Variants in IL5RA observed in about 807,000 individuals in gnomAD.
IL5RA encodes the protein interleukin-5 receptor subunit alpha.
A neutral mutation model predicts 50.0 loss-of-function variants in IL5RA; 49 were observed. The observed-to-expected ratio is 0.98, with a 90% CI of 0.78 to 1.24. The LOEUF (loss-of-function observed/expected upper bound fraction) is 1.24. Ranked by LOEUF, IL5RA falls within the 50% of genes most tolerant of loss-of-function variation. The pLI, the probability that IL5RA is intolerant of heterozygous loss-of-function variation, is 0.00. For synonymous variants in IL5RA, 202 were observed against 174.0 expected, an observed-to-expected ratio of 1.16 and a Z score of -1.26; for missense variants, 600 against 500.4, an observed-to-expected ratio of 1.20 and a Z score of -1.90.
rs966831016 is a variant in IL5RA, at chr3:3,070,059, A to G, written c.*166T>C. ...GTGAGGCGATTTGGATGAAGCATCC[A>G]TACTTTTAAGAGATACAAGACTGGT... On this transcript the variant is annotated 3_prime_UTR_variant, in exon 12 of 12. Coordinates refer to ENST00000446632, the MANE Select transcript of IL5RA (RefSeq NM_175726.4). The G allele has an allele frequency of 8.6e-6, 5 of 578,682 alleles. No individual in the cohort carries two copies. The highest frequency in any genetic ancestry group is 1.2e-5 in the Non-Finnish European group (4 of 320,370). The allele number at this position is 578,682 out of a possible 1,614,324, so 35.8% of individuals were successfully genotyped here. A position where few individuals can be genotyped will look rare whatever the true frequency, so the allele number is the denominator to read the frequency against.
chr3:3,101,883 G>T, intron 4 of IL5RA, 53 bp from the exon 5 acceptor site: 1 of 1,492,660 alleles, frequency 6.7e-7, no homozygotes, highest in Non-Finnish European at 9.2e-7. Flanking sequence ...AGACTTAAGA[G>T]AGCTATTTTA....
rs1703179761 is a variant in IL5RA, at chr3:3,092,656, G to A, written c.856-294C>T. Reference sequence around the variant, plus strand: ...GTTTCCAGACTGAAAGACTGGAGTGGCCTATGCTAGAATGCATTATTCCCT... The same window carrying A: ...GTTTCCAGACTGAAAGACTGGAGTGACCTATGCTAGAATGCATTATTCCCT... On this transcript the variant is annotated intron_variant, in intron 8 of 11. Coordinates refer to ENST00000446632, the MANE Select transcript of IL5RA (RefSeq NM_175726.4). The surrounding 1 kb of genome is among the most constrained non-coding windows in gnomAD (Gnocchi z 4.2). 6.6e-6 allele frequency among the ~76,000 whole-genome samples: 1 copy of A among 152,130 alleles called. No individual in the cohort carries two copies. Among genetic ancestry groups the A allele is most frequent in the Non-Finnish European group, 1.5e-5 (1 of 68,022 alleles).
At chr3:3,103,807 A>G (rs1703773920) in intron 3 of IL5RA, among the ~76,000 whole-genome samples, 1 of 152,104 alleles carries the variant, frequency 6.6e-6, no homozygotes, top group Non-Finnish European at 1.5e-5. Flanking sequence ...TTCTGGGCGT[A>G]TATTTATGCA....
In IL5RA at chr3:3,092,022, T is replaced by C. The variant is rs866634126; in HGVS notation, c.994+202A>G. 2.3e-6 allele frequency: 3 copies of C among 1,294,956 alleles called. No homozygotes were observed. The Middle Eastern group carries it at 7.1e-4, about 306-fold the overall frequency. 80.2% of individuals were successfully genotyped at this position (1,294,956 alleles called of 1,614,324 possible). ...CCAGGTCTAGGAGAGTTGGCGCTAA[T>C]GAGAAGCCTAGACACTTAAAAACTT... is the stretch of plus-strand genomic sequence containing the variant. On this transcript the variant is annotated intron_variant, in intron 9 of 11. Transcript: ENST00000446632. This position sits in a 1 kb window ranked among gnomAD's most constrained non-coding sequence, Gnocchi z 4.2.
At chr3:3,099,916 C>T (rs6442776) in intron 5 of IL5RA, among the ~76,000 whole-genome samples, 50,365 of 151,968 alleles carry the variant, frequency 0.33, 8,638 homozygotes, top group Middle Eastern at 0.39. Flanking sequence ...GTGATCTACC[C>T]GCCTCGGCCT....
rs1478672617 is a variant in IL5RA, at chr3:3,070,120, G to A, written c.*105C>T. On this transcript the variant is annotated 3_prime_UTR_variant, in exon 12 of 12. Coordinates refer to ENST00000446632, the MANE Select transcript of IL5RA (RefSeq NM_175726.4). ...GTATTGCTTCGCAGGTAAATTGAGT[G>A]TTGCCTAAATTCTGAACACCTCTTA... The A allele has an allele frequency of 1.1e-5, 8 of 708,790 alleles. No individual in the cohort carries two copies. Among genetic ancestry groups the A allele is most frequent in the Non-Finnish European group, 2.0e-5 (8 of 403,384 alleles). The allele number at this position is 708,790 out of a possible 1,614,324, so 43.9% of individuals were successfully genotyped here. A position where few individuals can be genotyped will look rare whatever the true frequency, so the allele number is the denominator to read the frequency against.
intron 10 of IL5RA, among the ~76,000 whole-genome samples, chr3:3,075,203 C>CTTTTTTTTTTTT (rs10642608): frequency 5.3e-4 from 37 of 69,960 alleles, no homozygotes; most frequent in East Asian, 9.3e-4. Flanking sequence ...AGTTTACTTA[C>CTTTTTTTTTTTT]TTTTTTTTTT....
In IL5RA at chr3:3,090,110, G is replaced by A. The variant is rs533767432; in HGVS notation, c.994+2114C>T. The A allele has an allele frequency of 1.4e-3, 1,682 of 1,211,644 alleles. 3 individuals carry two copies. The highest frequency in any genetic ancestry group is 1.9e-3 in the Non-Finnish European group (1,634 of 856,628). 75.1% of individuals were successfully genotyped at this position (1,211,644 alleles called of 1,614,324 possible). A position where few individuals can be genotyped will look rare whatever the true frequency, so the allele number is the denominator to read the frequency against. ...AACTTTCCAAACAAGTTTTTTGATA[G>A]GACTAAGATTATGTATTTAGCATAG... On this transcript the variant is annotated intron_variant, in intron 9 of 11. Transcript: ENST00000446632.
chr3:3,090,704 C>A (rs1405271800), intron 9 of IL5RA, among the ~76,000 whole-genome samples: 1 of 151,492 alleles, frequency 6.6e-6, no homozygotes, highest in Non-Finnish European at 1.5e-5. Context: ...GTAGCTGGGA[C>A]TACAGGCGCC....
Position 3,067,250 on chromosome 3 carries a change from C to T in IL5RA, c.*2975G>A, listed in dbSNP as rs185037503. ...GCCCAGTTGTTAGGCACATGTGTCT[C>T]CTGGTTGCTTCTAACTAACCGCATT... On this transcript the variant is annotated 3_prime_UTR_variant, in exon 12 of 12. Transcript: ENST00000446632. 1 of 152,204 alleles carries T rather than the reference C, an allele frequency of 6.6e-6. No homozygotes were observed. Among genetic ancestry groups the T allele is most frequent in the East Asian group, 1.9e-4 (1 of 5,174 alleles). 9.4% of individuals were successfully genotyped at this position (152,204 alleles called of 1,614,324 possible).
Position 3,092,883 on chromosome 3 carries a change from G to T in IL5RA, c.856-521C>A, listed in dbSNP as rs368278620. 5.1e-4 allele frequency among the ~76,000 whole-genome samples: 77 copies of T among 152,186 alleles called. 1 individual carries two copies. The Middle Eastern group carries it at 0.014, about 27-fold the overall frequency. ...ACCTGTATCTTGAATACCCCCGGAG[G>T]TGTTTCTCCCTTTTTTACTCCAGCC... On this transcript the variant is annotated intron_variant, in intron 8 of 11. Coordinates refer to ENST00000446632, the MANE Select transcript of IL5RA (RefSeq NM_175726.4). This position sits in a 1 kb window ranked among gnomAD's most constrained non-coding sequence, Gnocchi z 4.2.
At chr3:3,097,096 A>G (rs1049959094) in intron 7 of IL5RA, among the ~76,000 whole-genome samples, 5 of 152,352 alleles carry the variant, frequency 3.3e-5, no homozygotes, top group South Asian at 2.1e-4. Context: ...AATCTCCATA[A>G]CTAAGAATGC....
chr3:3,103,780 A>G (rs910176161), intron 3 of IL5RA, among the ~76,000 whole-genome samples: 3 of 80,064 alleles, frequency 3.7e-5, no homozygotes, highest in Non-Finnish European at 7.3e-5. Context: ...AACATATGAT[A>G]TATTCGTTAT....
At chr3:3,103,424 A>G (rs938337400) in intron 3 of IL5RA, among the ~76,000 whole-genome samples, 3 of 152,242 alleles carry the variant, frequency 2.0e-5, no homozygotes, top group African/African-American at 7.2e-5. Flanking sequence ...AGAAAATATC[A>G]GTGTGCATCA....
intron 2 of IL5RA, chr3:3,105,633 C>T (rs112886289): frequency 1.4e-5 from 2 of 143,222 alleles, no homozygotes; most frequent in African/African-American, 2.6e-5. Flanking sequence ...TTCCCCCCCC[C>T]ACCCCGCAAA....
intron 5 of IL5RA, among the ~76,000 whole-genome samples, chr3:3,101,413 G>T (rs1028183332): frequency 1.9e-4 from 29 of 152,156 alleles, no homozygotes; most frequent in African/African-American, 6.3e-4. Context: ...TTAAGTGTTT[G>T]ATCAGAAGTA....
At chr3:3,073,502 A>G (rs1329809025) in intron 11 of IL5RA, among the ~76,000 whole-genome samples, 1 of 152,242 alleles carries the variant, frequency 6.6e-6, no homozygotes, top group Non-Finnish European at 1.5e-5. Context: ...GAGGTGAGAC[A>G]GAAACCATTT....
intron 9 of IL5RA, among the ~76,000 whole-genome samples, chr3:3,079,988 C>T (rs3856843): frequency 0.25 from 38,686 of 151,846 alleles, 5,096 homozygotes; most frequent in Non-Finnish European, 0.28. Context: ...GAGCCCATCA[C>T]GCAACTGCAC....
chr3:3,101,873 A>G (rs2125983828), intron 4 of IL5RA, 43 bp from the exon 5 acceptor site: 1 of 1,532,578 alleles, frequency 6.5e-7, no homozygotes, highest in African/African-American at 1.4e-5. Context: ...AAAGAGAACT[A>G]GACTTAAGAG....
Sources: gnomAD v4.1 joint callset for allele counts (sites outside exome capture counted in the v4.1 genomes callset) on GRCh38, gnomAD v4.1.1 for gene constraint, Gnocchi (gnomAD v3.1) non-coding constraint, MANE v1.5 for transcripts, NCBI Gene and HGNC (gene_info 2026-07-23, HGNC 2026-07-21) for gene names.